MEI4: variants seen among roughly 807,000 people sequenced by gnomAD.
MEI4 encodes meiotic double-stranded break formation protein 4, also known as meiosis-specific protein MEI4.
Under a neutral mutation model 31.4 loss-of-function variants are expected in MEI4, and 27 were observed. The ratio of observed to expected loss-of-function variants is 0.86; its 90% CI spans 0.63 to 1.19. The LOEUF is 1.19. Among genes scored for constraint, MEI4 ranks in the 50% most tolerant of loss-of-function variants. MEI4 has a pLI of 0.00. For missense variants in MEI4, 329 were observed against 398.9 expected (o/e 0.82, Z 1.49); for synonymous variants, 122 against 145.4 (o/e 0.84, Z 1.16).
At chr6:77,701,747 AAATT>A (rs1262918340) in intron 2 of MEI4, among the ~76,000 whole-genome samples, 1 of 152,160 alleles carries the variant, frequency 6.6e-6, no homozygotes, top group East Asian at 1.9e-4. Context: ...AAATCAAACT[AAATT>A]AATTCATTGA....
intron 2 of MEI4, among the ~76,000 whole-genome samples, chr6:77,700,191 A>T (rs1222223750): frequency 6.6e-6 from 1 of 152,178 alleles, no homozygotes; most frequent in Admixed American, 6.5e-5. Context: ...CTGCCCCTAG[A>T]GGTGGAGCCT....
chr6:77,923,714 G>GTGAAGTTGTAAA lies in MEI4; in HGVS notation c.*368_*369insTGAAGTTGTAAA, dbSNP rs1766769414. The GTGAAGTTGTAAA allele has an allele frequency of 4.6e-5, 3 of 65,514 alleles. No homozygotes were observed. Among genetic ancestry groups the GTGAAGTTGTAAA allele is most frequent in the Non-Finnish European group, 7.4e-5 (3 of 40,772 alleles). The allele number at this position is 65,514 out of a possible 1,614,324, so 4.1% of individuals were successfully genotyped here. Reference sequence around the variant, plus strand: ...TGATGCTAAATGGTAATCAAAGAAAGAGATTTTTAAAGAAGTTTAGTTGCA... The same window carrying GTGAAGTTGTAAA: ...TGATGCTAAATGGTAATCAAAGAAAGTGAAGTTGTAAAAGATTTTTAAAGAAGTTTAGTTGCA... On this transcript the variant is annotated 3_prime_UTR_variant, in exon 5 of 5. Transcript: ENST00000684080.
At chr6:77,778,627 G>C (rs1186904559) in intron 3 of MEI4, among the ~76,000 whole-genome samples, 1 of 151,938 alleles carries the variant, frequency 6.6e-6, no homozygotes, top group Non-Finnish European at 1.5e-5. Flanking sequence ...CTTGACCCAA[G>C]AGGTCAAGGC....
chr6:77,881,660 G>T (rs981073157), intron 4 of MEI4, among the ~76,000 whole-genome samples: 1 of 151,988 alleles, frequency 6.6e-6, no homozygotes, highest in Non-Finnish European at 1.5e-5. Flanking sequence ...TCACACCTTT[G>T]ATGCTTATGA....
chr6:77,724,772 T>G (rs1255386287), intron 2 of MEI4, among the ~76,000 whole-genome samples: 2 of 147,224 alleles, frequency 1.4e-5, no homozygotes, highest in East Asian at 4.0e-4. Context: ...GACCTTTTCC[T>G]TCTAATTTTA....
chr6:77,862,923 C>T lies in MEI4; in HGVS notation c.900+33861C>T, dbSNP rs184371170. ...AGCAACATTGGCTGTTCACCAATAT[C>T]TGCTGTTCTGCAGCCTCCACTGCTG... is the stretch of plus-strand genomic sequence containing the variant. On this transcript the variant is annotated intron_variant, in intron 4 of 4. Coordinates refer to ENST00000684080, the MANE Select transcript of MEI4 (RefSeq NM_001322247.2). Among the ~76,000 whole-genome samples, 151 of 152,298 alleles carry T rather than the reference C, an allele frequency of 9.9e-4. 1 individual carries two copies. Among genetic ancestry groups the T allele is most frequent in the African/African-American group, 3.1e-3 (128 of 41,572 alleles).
chr6:77,682,542 T>C (rs1247575847), intron 1 of MEI4, among the ~76,000 whole-genome samples: 2 of 152,178 alleles, frequency 1.3e-5, no homozygotes, highest in African/African-American at 2.4e-5. Context: ...GTTAACTAAT[T>C]AAGTTCCCTT....
At position 77,742,068 on chromosome 6, in the gene MEI4, C is replaced by T. The variant is rs1767422310; in HGVS notation, c.233-19062C>T. Among the ~76,000 whole-genome samples, 5 of 152,036 alleles carry T rather than the reference C, an allele frequency of 3.3e-5. No homozygotes were observed. The South Asian group carries it at 1.0e-3, about 32-fold the overall frequency. ...AAGTCTTTGCTATTGTGAATAGTGC[C>T]ACAATAAACATACGTGTGCATGTGT... On this transcript the variant is annotated intron_variant, in intron 2 of 4. Coordinates refer to ENST00000684080, the MANE Select transcript of MEI4 (RefSeq NM_001322247.2).
Position 77,920,321 on chromosome 6 carries a change from C to A in MEI4, c.901-2768C>A. On this transcript the variant is annotated intron_variant, in intron 4 of 4. Coordinates refer to ENST00000684080, the MANE Select transcript of MEI4 (RefSeq NM_001322247.2). ...CCACCATGATCAAGTGGGCTTCATC[C>A]GTGGGATGCAAGGCTGTTTCAATAT... Among the ~76,000 whole-genome samples the A allele has an allele frequency of 1.3e-5, 2 of 152,162 alleles. 1 individual carries two copies. The highest frequency in any genetic ancestry group is 4.1e-4 in the South Asian group (2 of 4,830).
rs140277219 is a variant in MEI4, at chr6:77,773,599, G to T, written c.768+11934G>T. On this transcript the variant is annotated intron_variant, in intron 3 of 4. Coordinates refer to ENST00000684080, the MANE Select transcript of MEI4 (RefSeq NM_001322247.2). The stretch of plus-strand genomic sequence containing the variant: ...CATTGGGAAAACTTTCCAGCACATT[G>T]GTCTGGGCAAAGGTTTCTTGAGTAA... 1.4e-3 allele frequency among the ~76,000 whole-genome samples: 213 copies of T among 152,166 alleles called. 1 individual carries two copies. The highest frequency in any genetic ancestry group is 4.5e-3 in the African/African-American group (187 of 41,548).
chr6:77,731,107 T>G lies in MEI4; in HGVS notation c.233-30023T>G, dbSNP rs969000991. On this transcript the variant is annotated intron_variant, in intron 2 of 4. Transcript: ENST00000684080. ...AAACATATGTGTGCATGTGTCTTTA[T>G]AGCAGCATGATTTATAATCCTTTGG... 3.3e-5 allele frequency among the ~76,000 whole-genome samples: 5 copies of G among 152,096 alleles called. No individual in the cohort carries two copies. The East Asian group carries it at 9.7e-4, about 29-fold the overall frequency.
intron 3 of MEI4, among the ~76,000 whole-genome samples, chr6:77,814,216 C>A (rs1769639121): frequency 6.6e-6 from 1 of 152,074 alleles, no homozygotes; most frequent in South Asian, 2.1e-4. Flanking sequence ...GCATGACTCT[C>A]AGCATAGTTT....
At chr6:77,919,114 C>T (rs1185180517) in intron 4 of MEI4, among the ~76,000 whole-genome samples, 2 of 151,546 alleles carry the variant, frequency 1.3e-5, no homozygotes, top group Non-Finnish European at 2.9e-5. Flanking sequence ...ACAAGGATAC[C>T]CAGGAATTGA....
chr6:77,669,777 A>G (rs556494389), intron 1 of MEI4, among the ~76,000 whole-genome samples: 2 of 152,330 alleles, frequency 1.3e-5, no homozygotes, highest in South Asian at 2.1e-4. Flanking sequence ...AATCCTGACA[A>G]CAACTCTATG....
rs567985005 is a variant in MEI4 at position 77,673,660 on chromosome 6, T to C, written c.-14-16998T>C. ...AGAAAGGACAAAAGCAGATGGTGAT[T>C]GGTTTAGGTGATGAGTACTCCAACA... is the stretch of plus-strand genomic sequence containing the variant. On this transcript the variant is annotated intron_variant, in intron 1 of 4. Transcript: ENST00000684080. Among the ~76,000 whole-genome samples, 32 of 152,190 alleles carry C rather than the reference T, an allele frequency of 2.1e-4. No homozygotes were observed. The South Asian group carries it at 3.5e-3, about 17-fold the overall frequency.
chr6:77,744,610 T>C (rs1390438326), intron 2 of MEI4, among the ~76,000 whole-genome samples: 68 of 152,054 alleles, frequency 4.5e-4, no homozygotes, highest in Non-Finnish European at 9.6e-4. Context: ...ATTCAGGAAA[T>C]ACAGAGAACG....
rs144717677 is a variant in MEI4 at position 77,769,494 on chromosome 6, G to A, written c.768+7829G>A. ...TGGGCTTGGAGCCAGGGAACTTGGA[G>A]TGCATGGAACCTAGTGAGATACCAG... On this transcript the variant is annotated intron_variant, in intron 3 of 4. Coordinates refer to ENST00000684080, the MANE Select transcript of MEI4 (RefSeq NM_001322247.2). Among the ~76,000 whole-genome samples the A allele has an allele frequency of 1.4e-3, 214 of 152,268 alleles. 1 individual carries two copies. The highest frequency in any genetic ancestry group is 4.5e-3 in the African/African-American group (187 of 41,552).
At position 77,708,812 on chromosome 6, in the gene MEI4, T is replaced by C. The variant is rs542935302; in HGVS notation, c.232+17909T>C. 1.4e-3 allele frequency among the ~76,000 whole-genome samples: 213 copies of C among 152,300 alleles called. 1 individual carries two copies. Among genetic ancestry groups the C allele is most frequent in the African/African-American group, 4.5e-3 (187 of 41,570 alleles). ...TTGGCACATGACACTCTGACTCTCC[T>C]TCACCTGCTGTCATGATTATAAAGT... On this transcript the variant is annotated intron_variant, in intron 2 of 4. Transcript: ENST00000684080.
At chr6:77,735,659 T>C (rs1411124303) in intron 2 of MEI4, among the ~76,000 whole-genome samples, 2 of 152,100 alleles carry the variant, frequency 1.3e-5, no homozygotes, top group African/African-American at 4.8e-5. Flanking sequence ...CTGTCCAGCT[T>C]TGTTCCATTG....
Sources: allele counts gnomAD v4.1 joint callset (sites outside exome capture counted in the v4.1 genomes callset), GRCh38; gene constraint gnomAD v4.1.1; transcripts MANE v1.5; gene names NCBI Gene and HGNC (gene_info 2026-07-23, HGNC 2026-07-21).